Variants in SEZ6L observed in about 807,000 individuals in gnomAD.
The protein encoded by SEZ6L is seizure 6-like protein.
SEZ6L carries 37 observed loss-of-function variants against 106.2 expected under a neutral mutation model. The observed-to-expected ratio is 0.35, with a 90% CI of 0.27 to 0.46. The LOEUF (loss-of-function observed/expected upper bound fraction) is 0.46, where lower values mean the gene tolerates loss of function less well. Ranked by LOEUF, SEZ6L falls within the 20% of genes least tolerant of loss-of-function variation. SEZ6L has a pLI of 1.00. For missense variants in SEZ6L, 1,172 were observed against 1,332.8 expected (o/e 0.88, Z 1.88); for synonymous variants, 541 against 570.4 (o/e 0.95, Z 0.73).
chr22:26,247,918 C>T lies in SEZ6L; in HGVS notation c.95-44488C>T, dbSNP rs12168406. 4.4e-3 allele frequency among the ~76,000 whole-genome samples: 677 copies of T among 152,246 alleles called. 9 individuals are homozygous for T. Among genetic ancestry groups the T allele is most frequent in the African/African-American group, 0.016 (649 of 41,546 alleles). On this transcript the variant is annotated intron_variant, in intron 1 of 16. Coordinates refer to ENST00000248933, the MANE Select transcript of SEZ6L (RefSeq NM_021115.5). ...GATGATCACACATTGACACCATCACCGTTAGAACCCACAATGACCTGGGCT... is the reference window on the plus strand; with the variant it reads ...GATGATCACACATTGACACCATCACTGTTAGAACCCACAATGACCTGGGCT...
chr22:26,356,420 T>C (rs959310173), intron 12 of SEZ6L, among the ~76,000 whole-genome samples: 5 of 152,020 alleles, frequency 3.3e-5, no homozygotes, highest in African/African-American at 1.2e-4. Context: ...GGCGGGCAGA[T>C]TACCTGAGGT....
chr22:26,351,556 G>GTTT, intron 12 of SEZ6L: 2 of 167,320 alleles, frequency 1.2e-5, no homozygotes, highest in Admixed American at 8.0e-5. Context: ...TTGGTTGGTT[G>GTTT]GTTGGTTTTA....
intron 1 of SEZ6L, among the ~76,000 whole-genome samples, chr22:26,258,274 C>T (rs1178445138): frequency 3.3e-5 from 5 of 152,182 alleles, no homozygotes; most frequent in African/African-American, 1.2e-4. Context: ...CCGCACCAGG[C>T]ACTGAGGATG....
In SEZ6L at chr22:26,340,000, C is replaced by A. The variant is rs193086754; in HGVS notation, c.2016-436C>A. ...CTGTAATCCTAGCACATTGGGAGGC[C>A]GAGGTGGGCAGATTGCCTGAGCTCA... On this transcript the variant is annotated intron_variant, in intron 9 of 16. Transcript: ENST00000248933. 7.9e-5 allele frequency among the ~76,000 whole-genome samples: 12 copies of A among 152,232 alleles called. No homozygotes were observed. In the East Asian group the frequency reaches 2.3e-3, roughly 29 times the overall value.
At chr22:26,378,645 G>A (rs991402323) in intron 16 of SEZ6L, among the ~76,000 whole-genome samples, 2 of 152,210 alleles carry the variant, frequency 1.3e-5, no homozygotes, top group Non-Finnish European at 2.9e-5. Flanking sequence ...CTGAGACATG[G>A]GAAGTGGGTA....
intron 1 of SEZ6L, among the ~76,000 whole-genome samples, chr22:26,243,104 C>T (rs894136476): frequency 2.6e-5 from 4 of 152,196 alleles, no homozygotes; most frequent in African/African-American, 9.7e-5. Context: ...TTTCCCTCCT[C>T]TTATAAGGAC....
chr22:26,269,397 G>A (rs1279517842), intron 1 of SEZ6L, among the ~76,000 whole-genome samples: 1 of 152,198 alleles, frequency 6.6e-6, no homozygotes, highest in Non-Finnish European at 1.5e-5. Context: ...CTGGCAGGGG[G>A]TCAGGAACTT....
At chr22:26,185,415 C>A (rs1280665850) in intron 1 of SEZ6L, among the ~76,000 whole-genome samples, 2 of 152,214 alleles carry the variant, frequency 1.3e-5, no homozygotes, top group Non-Finnish European at 2.9e-5. Flanking sequence ...CTGTCCCTCT[C>A]TGGTCTTTAG....
chr22:26,348,618 A>G (rs1254411101), intron 11 of SEZ6L, among the ~76,000 whole-genome samples: 1 of 28,194 alleles, frequency 3.5e-5, no homozygotes, highest in African/African-American at 2.4e-4. Context: ...GAGAAAAAGA[A>G]AGAAAGAAAG....
intron 9 of SEZ6L, among the ~76,000 whole-genome samples, chr22:26,324,946 C>G (rs1053861261): frequency 1.3e-5 from 2 of 152,136 alleles, no homozygotes; most frequent in Admixed American, 6.5e-5. Context: ...CTGGTCTTAG[C>G]TGGGCTCGCA....
intron 3 of SEZ6L, among the ~76,000 whole-genome samples, chr22:26,295,585 C>G (rs1448004437): frequency 6.6e-6 from 1 of 152,134 alleles, no homozygotes; most frequent in Non-Finnish European, 1.5e-5. Context: ...TTAAAATAAA[C>G]TGGAGAAAAC....
Position 26,299,091 on chromosome 22 carries a change from G to A in SEZ6L, c.1270G>A (p.Glu424Lys), listed in dbSNP as rs140350607. The A allele has an allele frequency of 5.7e-5, 92 of 1,607,878 alleles. No individual in the cohort carries two copies. The African/African-American group carries it at 1.1e-3, about 19-fold the overall frequency. ...CCACTTTCACTGCCACCTGGGCTAT[G>A]AGCTCCAGGGCGCTAAGATGCTGAC... is the stretch of plus-strand genomic sequence containing the variant. ...VAHFHCHLGY[E>K]LQGAKMLTCI... The change falls in exon 5 of 17, where the codon GAG becomes AAG. Residue 424 changes from glutamate (E) to lysine (K), a missense_variant. Physicochemically the swap from Glu to Lys is moderately conservative, Grantham distance 56. Around this residue, in one of 4 missense-constraint regions of SEZ6L, gnomAD observed 534 missense variants for 691.0 expected, o/e 0.77. Coordinates refer to ENST00000248933, the MANE Select transcript of SEZ6L (RefSeq NM_021115.5).
rs541437739 is a variant in SEZ6L at position 26,312,185 on chromosome 22, G to C, written c.1876+223G>C. The stretch of plus-strand genomic sequence containing the variant: ...GAAGGTGCACCTTCTTCCAGGCATA[G>C]GTCCCACAGTGCACAGCTTAGTGAG... On this transcript the variant is annotated intron_variant, in intron 8 of 16. Coordinates refer to ENST00000248933, the MANE Select transcript of SEZ6L (RefSeq NM_021115.5). Among the ~76,000 whole-genome samples, 67 of 152,340 alleles carry C rather than the reference G, an allele frequency of 4.4e-4. 1 individual carries two copies. The highest frequency in any genetic ancestry group is 6.8e-3 in the Middle Eastern group (2 of 294).
intron 10 of SEZ6L, 149 bp downstream of exon 10, chr22:26,340,781 G>T: frequency 2.9e-6 from 2 of 696,310 alleles, no homozygotes; most frequent in Non-Finnish European, 4.5e-6. Context: ...AAAAGCCTGG[G>T]CTCTCTAGTC....
chr22:26,210,447 T>C (rs2078125422), intron 1 of SEZ6L, among the ~76,000 whole-genome samples: 1 of 152,180 alleles, frequency 6.6e-6, no homozygotes, highest in South Asian at 2.1e-4. Flanking sequence ...ATAACGCTCC[T>C]TTTAGAATTC....
intron 12 of SEZ6L, among the ~76,000 whole-genome samples, chr22:26,362,752 C>T (rs543064290): frequency 6.6e-6 from 1 of 152,298 alleles, no homozygotes; most frequent in East Asian, 1.9e-4. Flanking sequence ...TGGGAAGTCT[C>T]TTCCCACAGG....
intron 12 of SEZ6L, among the ~76,000 whole-genome samples, chr22:26,360,757 TA>T (rs1404324786): frequency 6.6e-6 from 1 of 152,136 alleles, no homozygotes; most frequent in African/African-American, 2.4e-5. Context: ...AATGACCCGG[TA>T]ACTGTTCTCT....
intron 1 of SEZ6L, among the ~76,000 whole-genome samples, chr22:26,178,299 T>A (rs1375023219): frequency 6.6e-6 from 1 of 151,950 alleles, no homozygotes; most frequent in East Asian, 1.9e-4. Context: ...CTGGCTTGAG[T>A]CAAGCAAGCA....
intron 1 of SEZ6L, among the ~76,000 whole-genome samples, chr22:26,246,572 G>GA (rs143157459): frequency 0.023 from 3,344 of 144,144 alleles, 112 homozygotes; most frequent in East Asian, 0.11. Flanking sequence ...ATGCCCAAAG[G>GA]AAAAAAAAAA....
Sources: gnomAD v4.1 joint callset for allele counts (sites outside exome capture counted in the v4.1 genomes callset) on GRCh38, gnomAD v4.1.1 for gene constraint, gnomAD v4.1.1 regional missense constraint, MANE v1.5 for transcripts, NCBI Gene and HGNC (gene_info 2026-07-23, HGNC 2026-07-21) for gene names.